Variants in DPH6 observed in about 807,000 individuals in gnomAD.
The protein encoded by DPH6 is diphthine--ammonia ligase.
DPH6 carries 33 observed loss-of-function variants against 38.2 expected under a neutral mutation model. The ratio of observed to expected loss-of-function variants is 0.86; its 90% confidence interval spans 0.65 to 1.15. DPH6 has a LOEUF of 1.15. Among genes scored for constraint, DPH6 ranks in the 50% most tolerant of loss-of-function variants. The pLI is 0.00. For missense variants in DPH6, 325 were observed against 320.0 expected, an observed-to-expected ratio of 1.02 and a Z score of -0.12; for synonymous variants, 108 against 103.0, an observed-to-expected ratio of 1.05 and a Z score of -0.30.
At chr15:35,493,737 GGAA>G (rs2054513404) in intron 3 of DPH6, among the ~76,000 whole-genome samples, 1 of 152,112 alleles carries the variant, frequency 6.6e-6, no homozygotes, top group Non-Finnish European at 1.5e-5. Flanking sequence ...GTTTGGTGTA[GGAA>G]GAGGGTTGTT....
At chr15:35,328,668 A>G (rs1326396648), downstream of DPH6, among the ~76,000 whole-genome samples, 1 of 152,226 alleles carries the variant, frequency 6.6e-6, no homozygotes, top group Non-Finnish European at 1.5e-5. Context: ...CCTTGTCACA[A>G]TTCTTAATAT....
chr15:35,311,061 A>G (rs1007299108), intron 3 of DPH6, among the ~76,000 whole-genome samples: 4 of 149,928 alleles, frequency 2.7e-5, no homozygotes, highest in African/African-American at 1.0e-4. Context: ...CGCCACCTCA[A>G]AAACAACAAC....
chr15:35,381,612 A>T (rs1418297031), intron 7 of DPH6, among the ~76,000 whole-genome samples: 1 of 152,176 alleles, frequency 6.6e-6, no homozygotes, highest in Non-Finnish European at 1.5e-5. Context: ...CAATGTCTAA[A>T]AAGTTTATAG....
chr15:35,439,518 T>C (rs1418028756), intron 5 of DPH6, among the ~76,000 whole-genome samples: 4 of 152,230 alleles, frequency 2.6e-5, no homozygotes, highest in Non-Finnish European at 4.4e-5. Flanking sequence ...GGTTGTTTTA[T>C]CAAGGCTTTG....
intron 5 of DPH6, among the ~76,000 whole-genome samples, chr15:35,425,336 A>G (rs531409648): frequency 9.9e-5 from 15 of 151,770 alleles, no homozygotes; most frequent in Non-Finnish European, 2.1e-4. Flanking sequence ...CCTTTTCAGA[A>G]GGAGTTTTTA....
At chr15:35,504,856 C>G (rs1030597460) in intron 3 of DPH6, among the ~76,000 whole-genome samples, 1 of 152,000 alleles carries the variant, frequency 6.6e-6, no homozygotes, top group African/African-American at 2.4e-5. Flanking sequence ...AGAACTCTAG[C>G]CTACACAAGC....
chr15:35,177,496 G>C, the DPH6 span, among the ~76,000 whole-genome samples: 2 of 148,946 alleles, frequency 1.3e-5, no homozygotes, highest in African/African-American at 5.0e-5. Flanking sequence ...TGAGGTGGGA[G>C]GATTGCTCAA....
intron 3 of DPH6, among the ~76,000 whole-genome samples, chr15:35,318,221 T>C (rs2052210383): frequency 6.6e-6 from 1 of 152,086 alleles, no homozygotes; most frequent in Non-Finnish European, 1.5e-5. Context: ...ATGGAAATAT[T>C]AAGCAAAAGA....
chr15:35,545,547 T>C (rs1285381192), intron 1 of DPH6, among the ~76,000 whole-genome samples: 1 of 152,142 alleles, frequency 6.6e-6, no homozygotes, highest in Non-Finnish European at 1.5e-5. Context: ...AACACACACA[T>C]GCCATAAGCA....
intron 3 of DPH6, among the ~76,000 whole-genome samples, chr15:35,315,917 A>C (rs75327825): frequency 0.015 from 2,334 of 152,260 alleles, 51 homozygotes; most frequent in African/African-American, 0.053. Flanking sequence ...AAGTCACTAC[A>C]TTAAGTGAAA....
chr15:35,210,431 C>A, the DPH6 span, among the ~76,000 whole-genome samples: 2 of 152,078 alleles, frequency 1.3e-5, no homozygotes, highest in African/African-American at 4.8e-5. Flanking sequence ...ACTTTGCCCC[C>A]AGTGCAACGA....
downstream of DPH6, among the ~76,000 whole-genome samples, chr15:35,212,705 G>A (rs927455729): frequency 6.6e-6 from 1 of 152,186 alleles, no homozygotes; most frequent in Non-Finnish European, 1.5e-5. Flanking sequence ...GCCAAATCGT[G>A]TTGTCTCCTT....
chr15:35,481,691 A>C (rs2054328936), intron 3 of DPH6, among the ~76,000 whole-genome samples: 1 of 152,082 alleles, frequency 6.6e-6, no homozygotes, highest in Admixed American at 6.6e-5. Context: ...ATTTGCTTCG[A>C]AAGAATAATA....
chr15:35,368,344 G>A (rs1457692949), downstream of DPH6, among the ~76,000 whole-genome samples: 1 of 151,794 alleles, frequency 6.6e-6, no homozygotes, highest in Non-Finnish European at 1.5e-5. Flanking sequence ...GACAGGCAGG[G>A]GAATCCTAGG....
chr15:35,283,014 C>CTTCT (rs2051910154), intron 3 of DPH6: 2 of 175,494 alleles, frequency 1.1e-5, no homozygotes, highest in African/African-American at 7.0e-5. Context: ...CTTCTTCTTC[C>CTTCT]TCTTCCTCTT....
intron 3 of DPH6, among the ~76,000 whole-genome samples, chr15:35,536,002 G>C (rs1001187479): frequency 6.6e-6 from 1 of 152,042 alleles, no homozygotes; most frequent in Non-Finnish European, 1.5e-5. Flanking sequence ...AAGTTGCAAA[G>C]CTGTAACCTG....
chr15:35,372,272 C>T, intron 8 of DPH6, 69 bp from the exon 9 acceptor site: 1 of 1,242,910 alleles, frequency 8.0e-7, no homozygotes, highest in Non-Finnish European at 1.1e-6. Context: ...GAATATGACA[C>T]TTCAAAGATG....
the DPH6 span, among the ~76,000 whole-genome samples, chr15:35,156,371 T>C: frequency 6.6e-6 from 1 of 152,180 alleles, no homozygotes; most frequent in Admixed American, 6.5e-5. Context: ...AGTCTCTTAT[T>C]AGAAATAGTA....
intron 3 of DPH6, among the ~76,000 whole-genome samples, chr15:35,248,182 T>G (rs553288888): frequency 8.3e-4 from 127 of 152,302 alleles, no homozygotes; most frequent in Non-Finnish European, 1.6e-3. Flanking sequence ...GTCCTTCTCT[T>G]GCCCTCCTGT....
Sources: gnomAD v4.1 joint callset for allele counts (sites outside exome capture counted in the v4.1 genomes callset) on GRCh38, gnomAD v4.1.1 for gene constraint, MANE v1.5 for transcripts, NCBI Gene and HGNC (gene_info 2026-07-23, HGNC 2026-07-21) for gene names.